Variants in ESRRG observed in about 807,000 individuals in gnomAD.
ESRRG encodes estrogen-related receptor gamma.
A neutral mutation model predicts 44.0 loss-of-function variants in ESRRG; 13 were observed. The observed-to-expected ratio is 0.30, with a 90% CI of 0.19 to 0.47. The LOEUF is 0.47. Ranked by LOEUF, ESRRG falls within the 20% of genes least tolerant of loss-of-function variation. The probability of loss-of-function intolerance (pLI) is 1.00; values close to 1 mark genes in which losing one functional copy is unlikely to be tolerated. For missense variants in ESRRG, 395 were observed against 580.6 expected (o/e 0.68, Z 3.29); for synonymous variants, 215 against 214.6 (o/e 1.00, Z -0.02).
chr1:216,530,326 C>T (rs6678989), intron 5 of ESRRG, among the ~76,000 whole-genome samples: 1 of 104,212 alleles, frequency 9.6e-6, no homozygotes, highest in African/African-American at 4.0e-5. Flanking sequence ...ATCTATCTAT[C>T]TATCTATCTT....
chr1:216,792,131 G>C (rs2094337973), intron 2 of ESRRG, among the ~76,000 whole-genome samples: 1 of 152,052 alleles, frequency 6.6e-6, no homozygotes, highest in South Asian at 2.1e-4. Context: ...TTTTAATAAA[G>C]CTTAACCAAA....
At chr1:216,848,660 C>T (rs1183408951) in intron 2 of ESRRG, among the ~76,000 whole-genome samples, 2 of 152,162 alleles carry the variant, frequency 1.3e-5, no homozygotes, top group African/African-American at 2.4e-5. Context: ...TTAAACTTTG[C>T]TATGCTGGAA....
chr1:216,675,489 GA>G (rs2075944142), intron 2 of ESRRG, among the ~76,000 whole-genome samples: 1 of 152,138 alleles, frequency 6.6e-6, no homozygotes, highest in Non-Finnish European at 1.5e-5. Flanking sequence ...TTTGTACTTT[GA>G]AAACTAGTAC....
In ESRRG at chr1:216,811,578, G is replaced by A. The variant is rs186934211; in HGVS notation, c.-14+128004C>T. On this transcript the variant is annotated intron_variant, in intron 2 of 7. Coordinates refer to the ESRRG transcript ENST00000359162. ...GGAGAGACAGCAAATTTCTTCTTGA[G>A]GATTAGGCTCCAATTGGTTGAATTT... 5.3e-5 allele frequency among the ~76,000 whole-genome samples: 8 copies of A among 152,274 alleles called. No individual in the cohort carries two copies. In the East Asian group the frequency reaches 1.5e-3, roughly 29 times the overall value.
intron 2 of ESRRG, among the ~76,000 whole-genome samples, chr1:216,670,252 G>C (rs1411009445): frequency 6.6e-6 from 1 of 152,204 alleles, no homozygotes; most frequent in Non-Finnish European, 1.5e-5. Flanking sequence ...GCAACACCAG[G>C]AAAGATCCTC....
intron 5 of ESRRG, among the ~76,000 whole-genome samples, chr1:216,546,033 A>C (rs1370817885): frequency 6.6e-6 from 1 of 151,986 alleles, no homozygotes; most frequent in Non-Finnish European, 1.5e-5. Flanking sequence ...AAACTAAAAA[A>C]CTCACTCATA....
At chr1:216,971,026 A>G (rs1434072769) in intron 1 of ESRRG, among the ~76,000 whole-genome samples, 1 of 152,224 alleles carries the variant, frequency 6.6e-6, no homozygotes. Context: ...GGGCAGAACC[A>G]AGTCATTCAG....
intron 2 of ESRRG, among the ~76,000 whole-genome samples, chr1:216,903,641 A>G (rs577467108): frequency 6.6e-6 from 1 of 151,950 alleles, no homozygotes; most frequent in Non-Finnish European, 1.5e-5. Context: ...GATAGACTGA[A>G]TCTCATTTGG....
Position 216,519,140 on chromosome 1 carries a change from C to A in ESRRG, c.1132+12G>T. ...AAAAAAAATGTAACAATGACTATGTCAGTATGCCAACCTGAATTAGCAAGA... is the reference window on the plus strand; with the variant it reads ...AAAAAAAATGTAACAATGACTATGTAAGTATGCCAACCTGAATTAGCAAGA... On this transcript the variant is annotated intron_variant, in intron 6 of 6. Transcript: ENST00000408911. 1 of 1,610,956 alleles carries A rather than the reference C, an allele frequency of 6.2e-7. No individual in the cohort carries two copies. The highest frequency in any genetic ancestry group is 1.1e-5 in the South Asian group (1 of 90,818).
chr1:216,818,056 C>T (rs575758134), intron 2 of ESRRG, among the ~76,000 whole-genome samples: 1 of 152,192 alleles, frequency 6.6e-6, no homozygotes, highest in Non-Finnish European at 1.5e-5. Context: ...ACTGCTGCAC[C>T]AACAATGACA....
intron 2 of ESRRG, among the ~76,000 whole-genome samples, chr1:216,751,172 G>A (rs112461713): frequency 2.0e-5 from 3 of 152,210 alleles, no homozygotes; most frequent in East Asian, 1.9e-4. Flanking sequence ...CTCCTTACAC[G>A]CTTAAGAGAA....
chr1:216,607,378 C>T (rs2060070469), intron 3 of ESRRG, among the ~76,000 whole-genome samples: 1 of 151,070 alleles, frequency 6.6e-6, no homozygotes, highest in South Asian at 2.1e-4. Context: ...CGGCATCAGC[C>T]TAACTTACAA....
chr1:216,808,060 C>T (rs2094853193), intron 2 of ESRRG, among the ~76,000 whole-genome samples: 1 of 152,156 alleles, frequency 6.6e-6, no homozygotes. Context: ...ATCTTAGAGA[C>T]ATACTTAACC....
At position 216,840,179 on chromosome 1, in the gene ESRRG, C is replaced by T. The variant is rs547505576; in HGVS notation, c.-14+99403G>A. Among the ~76,000 whole-genome samples the T allele has an allele frequency of 5.0e-4, 76 of 152,328 alleles. 1 individual carries two copies. The highest frequency in any genetic ancestry group is 3.4e-3 in the Admixed American group (52 of 15,292). ...TGTTTGCTGTAGCCACCTTCATCAA[C>T]GATCCTAGCTAGATCTTCTGGATAA... On this transcript the variant is annotated intron_variant, in intron 2 of 7. Transcript: ENST00000359162.
intron 1 of ESRRG, among the ~76,000 whole-genome samples, chr1:217,004,844 T>C (rs2077514970): frequency 6.6e-6 from 1 of 152,194 alleles, no homozygotes; most frequent in Non-Finnish European, 1.5e-5. Flanking sequence ...TGATAAATGG[T>C]ATATCACTTT....
chr1:216,713,109 T>C (rs1268364743), intron 1 of ESRRG, among the ~76,000 whole-genome samples: 1 of 152,186 alleles, frequency 6.6e-6, no homozygotes, highest in Non-Finnish European at 1.5e-5. Flanking sequence ...GAGTAATCAA[T>C]AGTAATCCAA....
At chr1:217,026,605 A>G (rs2081209368) in intron 1 of ESRRG, among the ~76,000 whole-genome samples, 2 of 152,112 alleles carry the variant, frequency 1.3e-5, no homozygotes, top group Admixed American at 1.3e-4. Context: ...GCTTGTGGGT[A>G]TCTAATTTGG....
chr1:216,770,833 T>C (rs2093350292), intron 2 of ESRRG, among the ~76,000 whole-genome samples: 1 of 152,100 alleles, frequency 6.6e-6, no homozygotes, highest in Admixed American at 6.6e-5. Flanking sequence ...ATGACCTGTC[T>C]ATCCGTTTAT....
intron 2 of ESRRG, among the ~76,000 whole-genome samples, chr1:216,917,372 T>C (rs949667438): frequency 1.3e-5 from 2 of 152,090 alleles, no homozygotes; most frequent in Non-Finnish European, 2.9e-5. Context: ...GCAACCAATG[T>C]AGCCAATTAC....
Sources: gnomAD v4.1 joint callset for allele counts (sites outside exome capture counted in the v4.1 genomes callset) on GRCh38, gnomAD v4.1.1 for gene constraint, MANE v1.5 for transcripts, NCBI Gene and HGNC (gene_info 2026-07-23, HGNC 2026-07-21) for gene names.